Variants in ZFPM1 observed in about 807,000 individuals in gnomAD.
ZFPM1 encodes zinc finger protein, FOG family member 1.
A neutral mutation model predicts 46.3 loss-of-function variants in ZFPM1; 28 were observed. The observed-to-expected ratio is 0.60, with a 90% CI of 0.45 to 0.83. The LOEUF (loss-of-function observed/expected upper bound fraction) is 0.83, where lower values mean the gene tolerates loss of function less well. ZFPM1 is among the 40% of genes least tolerant of loss of function. ZFPM1 has a pLI of 0.00. For missense variants in ZFPM1, 1,878 were observed against 1,432.4 expected, an observed-to-expected ratio of 1.31 and a Z score of -5.02; for synonymous variants, 957 against 675.9, an observed-to-expected ratio of 1.42 and a Z score of -6.45.
At chr16:88,476,565 G>C (rs1156654306) in intron 1 of ZFPM1, among the ~76,000 whole-genome samples, 5 of 152,096 alleles carry the variant, frequency 3.3e-5, no homozygotes, top group Non-Finnish European at 5.9e-5. Context: ...GAAACCAGGT[G>C]GGAGCTGGGT....
intron 1 of ZFPM1, among the ~76,000 whole-genome samples, chr16:88,468,147 CT>C (rs1199170949): frequency 6.8e-6 from 1 of 146,554 alleles, no homozygotes. Flanking sequence ...CCCACTGCCC[CT>C]GACCCACCCG....
At chr16:88,474,001 G>A (rs963846951) in intron 1 of ZFPM1, among the ~76,000 whole-genome samples, 4 of 152,246 alleles carry the variant, frequency 2.6e-5, no homozygotes, top group African/African-American at 9.6e-5. Flanking sequence ...AGGGCCGGGA[G>A]TGGCCGGGCC....
chr16:88,453,808 C>G, intron 1 of ZFPM1, 130 bp downstream of exon 1: 1 of 491,378 alleles, frequency 2.0e-6, no homozygotes, highest in Non-Finnish European at 2.7e-6. Context: ...CCGCGCCCCC[C>G]GCGCTGTGCC....
chr16:88,514,333 G>T (rs1911149354), intron 3 of ZFPM1, 54 bp from the exon 4 acceptor site: 2 of 1,547,140 alleles, frequency 1.3e-6, no homozygotes, highest in Non-Finnish European at 1.7e-6. Flanking sequence ...GCGGGAGGTG[G>T]GCTGGACAGG....
intron 2 of ZFPM1, among the ~76,000 whole-genome samples, chr16:88,487,633 G>C (rs141673516): frequency 6.6e-6 from 1 of 152,236 alleles, no homozygotes; most frequent in Non-Finnish European, 1.5e-5. Flanking sequence ...TTTCTCAGTG[G>C]GGACCCCCAC....
intron 2 of ZFPM1, among the ~76,000 whole-genome samples, chr16:88,486,953 T>A (rs990902500): frequency 2.6e-5 from 4 of 152,178 alleles, no homozygotes; most frequent in African/African-American, 9.7e-5. Context: ...AGCTCGCAAG[T>A]GCCCTAGTGG....
At chr16:88,470,980 GC>G (rs1420057280) in intron 1 of ZFPM1, among the ~76,000 whole-genome samples, 1 of 152,128 alleles carries the variant, frequency 6.6e-6, no homozygotes, top group Non-Finnish European at 1.5e-5. Flanking sequence ...CTGACCCAGG[GC>G]CCAGCTCAGA....
intron 5 of ZFPM1, among the ~76,000 whole-genome samples, chr16:88,527,449 G>A (rs879762100): frequency 2.0e-5 from 3 of 152,166 alleles, no homozygotes; most frequent in African/African-American, 7.2e-5. Context: ...AGGCCCTCTG[G>A]GCTTAGGCAG....
At chr16:88,472,295 C>T (rs554299005) in intron 1 of ZFPM1, among the ~76,000 whole-genome samples, 135 of 152,014 alleles carry the variant, frequency 8.9e-4, no homozygotes, top group Non-Finnish European at 3.8e-4. Context: ...GGCACCAGAG[C>T]GCCTGCTGCC....
rs960219895 is a variant in ZFPM1 at position 88,533,878 on chromosome 16, C to T, written c.1920C>T (p.Gly640=). ...AEPDAPRSSP[G]PGAREEGAGG... is the part of the protein sequence containing the mutation. ...CCGACGCGCCGCGCTCGTCCCCGGG[C>T]CCCGGAGCGCGCGAGGAGGGGGCTG... Residue 640 remains glycine, a synonymous_variant, in exon 10 of 10, where the codon GGC becomes GGT. Transcript: ENST00000319555. 1.1e-4 allele frequency: 111 copies of T among 1,000,828 alleles called. No homozygotes were observed. Among genetic ancestry groups the T allele is most frequent in the Admixed American group, 3.1e-4 (5 of 16,030 alleles). The allele number at this position is 1,000,828 out of a possible 1,614,324, so 62.0% of individuals were successfully genotyped here.
intron 1 of ZFPM1, among the ~76,000 whole-genome samples, chr16:88,454,013 C>A (rs886401278): frequency 6.6e-6 from 1 of 152,190 alleles, no homozygotes; most frequent in Non-Finnish European, 1.5e-5. Flanking sequence ...AGGGCGGCCC[C>A]GATCTGGGCT....
chr16:88,487,745 C>T (rs890454573), intron 2 of ZFPM1, among the ~76,000 whole-genome samples: 1 of 152,184 alleles, frequency 6.6e-6, no homozygotes, highest in Non-Finnish European at 1.5e-5. Context: ...CAGCCTGCTG[C>T]GCCTGGGCCC....
chr16:88,502,056 G>GCCCC lies in ZFPM1; in HGVS notation c.269-12325_269-12322dup, dbSNP rs34910465. Among the ~76,000 whole-genome samples, 62 of 105,884 alleles carry GCCCC rather than the reference G, an allele frequency of 5.9e-4. 2 individuals are homozygous for GCCCC. Among genetic ancestry groups the GCCCC allele is most frequent in the Non-Finnish European group, 9.0e-4 (45 of 50,266 alleles). 69.5% of individuals were successfully genotyped at this position (105,884 alleles called of 152,430 possible). On this transcript the variant is annotated intron_variant, in intron 3 of 9. Coordinates refer to ENST00000319555, the MANE Select transcript of ZFPM1 (RefSeq NM_153813.3). ...CTCCACCCCCGACGCGGCTCCACCC[G>GCCCC]CCCCCCCCCATTTATTTATTTATTT...
chr16:88,487,632 G>A (rs1406167736), intron 2 of ZFPM1, among the ~76,000 whole-genome samples: 1 of 152,126 alleles, frequency 6.6e-6, no homozygotes, highest in Non-Finnish European at 1.5e-5. Context: ...ATTTCTCAGT[G>A]GGGACCCCCA....
chr16:88,486,971 A>G (rs1273741477), intron 2 of ZFPM1, among the ~76,000 whole-genome samples: 1 of 152,160 alleles, frequency 6.6e-6, no homozygotes, highest in Non-Finnish European at 1.5e-5. Flanking sequence ...TGGGGGTCCC[A>G]CCCAGGTCTG....
intron 4 of ZFPM1, 34 bp from the exon 5 acceptor site, chr16:88,526,780 C>T: frequency 6.6e-7 from 1 of 1,522,932 alleles, no homozygotes; most frequent in East Asian, 2.5e-5. Flanking sequence ...TGCTGACGGA[C>T]CCCTCCCCAC....
chr16:88,497,860 CGCCG>C lies in ZFPM1; in HGVS notation c.268+8710_268+8713del, dbSNP rs940314124. Among the ~76,000 whole-genome samples the C allele has an allele frequency of 3.9e-5, 6 of 152,150 alleles. No individual in the cohort carries two copies. The highest frequency in any genetic ancestry group is 6.5e-5 in the Admixed American group (1 of 15,286). The stretch of plus-strand genomic sequence containing the variant: ...GGGCCGAGCTCCATCTGACTAATCT[CGCCG>C]GCGGAGCGTCTACGCAAACCTCAAG... On this transcript the variant is annotated intron_variant, in intron 3 of 9. Coordinates refer to ENST00000319555, the MANE Select transcript of ZFPM1 (RefSeq NM_153813.3). This position sits in a 1 kb window ranked among gnomAD's most constrained non-coding sequence, Gnocchi z 5.4.
intron 3 of ZFPM1, among the ~76,000 whole-genome samples, chr16:88,498,526 C>T (rs546774056): frequency 3.3e-5 from 5 of 152,336 alleles, no homozygotes; most frequent in African/African-American, 4.8e-5. Context: ...CCAGGCCCTC[C>T]GGGATCTGCT....
At chr16:88,516,465 G>A in intron 4 of ZFPM1, 1 of 398,358 alleles carries the variant, frequency 2.5e-6, no homozygotes, top group East Asian at 3.6e-5. Context: ...GGCTCTGTGG[G>A]GAGCCCGGGG....
Sources: allele counts gnomAD v4.1 joint callset (sites outside exome capture counted in the v4.1 genomes callset), GRCh38; gene constraint gnomAD v4.1.1; non-coding constraint Gnocchi (gnomAD v3.1); transcripts MANE v1.5; gene names NCBI Gene and HGNC (gene_info 2026-07-23, HGNC 2026-07-21).